The following PLEKHA6 variants were observed in gnomAD, a reference collection of about 807,000 sequenced individuals.
PLEKHA6 encodes the protein pleckstrin homology domain-containing family A member 6.
PLEKHA6 carries 60 observed loss-of-function variants against 116.7 expected under a neutral mutation model. The ratio of observed to expected loss-of-function variants is 0.51; its 90% confidence interval spans 0.42 to 0.64. The LOEUF is 0.64. Among genes scored for constraint, PLEKHA6 ranks in the 30% least tolerant of loss-of-function variants. The pLI, the probability that PLEKHA6 is intolerant of heterozygous loss-of-function variation, is 0.00. For missense variants in PLEKHA6, 1,338 were observed against 1,422.7 expected (o/e 0.94, Z 0.96); for synonymous variants, 489 against 556.1 (o/e 0.88, Z 1.70).
intron 1 of PLEKHA6, among the ~76,000 whole-genome samples, chr1:204,321,022 G>A (rs1390758816): frequency 6.6e-6 from 1 of 152,134 alleles, no homozygotes; most frequent in Non-Finnish European, 1.5e-5. Context: ...GATGAAGGGG[G>A]AGGTCCAGGC....
chr1:204,375,765 C>G (rs1337027270), intron 1 of PLEKHA6, among the ~76,000 whole-genome samples: 1 of 151,700 alleles, frequency 6.6e-6, no homozygotes, highest in East Asian at 1.9e-4. Flanking sequence ...AGGGCTCTCT[C>G]AAGCTGCCTC....
intron 9 of PLEKHA6, among the ~76,000 whole-genome samples, chr1:204,253,845 A>ACAAAAAC (rs929036456): frequency 6.8e-5 from 10 of 147,614 alleles, no homozygotes; most frequent in African/African-American, 2.5e-4. Context: ...AAAAAAAAAA[A>ACAAAAAC]AAAAACAAAA....
At chr1:204,282,648 G>A (rs978231578) in intron 1 of PLEKHA6, 9 of 985,074 alleles carry the variant, frequency 9.1e-6, no homozygotes, top group Non-Finnish European at 1.1e-5. Context: ...TCTCAACACT[G>A]AAGTGTCTTC....
intron 1 of PLEKHA6, among the ~76,000 whole-genome samples, chr1:204,284,005 C>T (rs1482049877): frequency 6.6e-6 from 1 of 152,168 alleles, no homozygotes; most frequent in Non-Finnish European, 1.5e-5. Flanking sequence ...GAGGAGGGGG[C>T]ACGTGCTGTT....
chr1:204,353,777 T>C (rs1673345393), intron 1 of PLEKHA6, among the ~76,000 whole-genome samples: 1 of 152,202 alleles, frequency 6.6e-6, no homozygotes, highest in Non-Finnish European at 1.5e-5. Flanking sequence ...ACCTGGGTTC[T>C]AGACCTCACT....
At chr1:204,251,703 G>A (rs1327961944) in intron 9 of PLEKHA6, 3 of 652,092 alleles carry the variant, frequency 4.6e-6, no homozygotes, top group Non-Finnish European at 8.4e-6. Flanking sequence ...CAGGAAACAG[G>A]GGAGGGCAGC....
intron 17 of PLEKHA6, among the ~76,000 whole-genome samples, chr1:204,237,884 A>T (rs1662286628): frequency 6.6e-6 from 1 of 152,250 alleles, no homozygotes. Flanking sequence ...TAGCAAACAC[A>T]CTGGACTTAT....
chr1:204,375,310 A>C (rs1673849588), intron 1 of PLEKHA6, among the ~76,000 whole-genome samples: 1 of 152,038 alleles, frequency 6.6e-6, no homozygotes, highest in South Asian at 2.1e-4. Context: ...CCTCAACTGC[A>C]GTGTTTCCCC....
upstream of PLEKHA6, among the ~76,000 whole-genome samples, chr1:204,361,726 C>T (rs1343569643): frequency 1.3e-5 from 2 of 152,260 alleles, no homozygotes; most frequent in Non-Finnish European, 2.9e-5. Flanking sequence ...CCTGCCCTGG[C>T]TCTCCAGGAC....
intron 2 of PLEKHA6, chr1:204,274,512 AC>A (rs1166730581): frequency 2.7e-6 from 2 of 750,426 alleles, no homozygotes; most frequent in East Asian, 2.6e-4. Context: ...GGGGTGCACC[AC>A]CCTGGCTTTT....
At chr1:204,291,225 T>C (rs949548917) in intron 1 of PLEKHA6, among the ~76,000 whole-genome samples, 1 of 152,096 alleles carries the variant, frequency 6.6e-6, no homozygotes, top group African/African-American at 2.4e-5. Flanking sequence ...CTATGAGCTA[T>C]CTCTACCCAC....
chr1:204,314,446 C>A (rs987689767), intron 1 of PLEKHA6, among the ~76,000 whole-genome samples: 1 of 152,170 alleles, frequency 6.6e-6, no homozygotes, highest in African/African-American at 2.4e-5. Context: ...AATGGAGTGA[C>A]TGGGCCAACA....
At chr1:204,249,312 A>C in intron 10 of PLEKHA6, 48 bp from the exon 11 acceptor site, 1 of 1,345,834 alleles carries the variant, frequency 7.4e-7, no homozygotes, top group Non-Finnish European at 1.1e-6. Flanking sequence ...AAGGGGATGA[A>C]GGACATAGTT....
At chr1:204,234,978 A>G (rs1466310176) in intron 17 of PLEKHA6, among the ~76,000 whole-genome samples, 1 of 92,522 alleles carries the variant, frequency 1.1e-5, no homozygotes, top group Non-Finnish European at 2.3e-5. Flanking sequence ...ATATATATAT[A>G]TATATATATA....
intron 3 of PLEKHA6, among the ~76,000 whole-genome samples, chr1:204,271,905 T>A (rs187481285): frequency 1.3e-5 from 2 of 152,274 alleles, no homozygotes. Flanking sequence ...TCTTTTTTTT[T>A]ATTATTATTA....
intron 1 of PLEKHA6, among the ~76,000 whole-genome samples, chr1:204,292,837 G>T (rs771509840): frequency 2.9e-4 from 44 of 152,180 alleles, no homozygotes; most frequent in Non-Finnish European, 3.8e-4. Context: ...GTGAAGAGGG[G>T]GAATAAAAAA....
chr1:204,230,633 C>T (rs753894671), intron 17 of PLEKHA6, 47 bp from the exon 18 acceptor site: 27 of 1,496,782 alleles, frequency 1.8e-5, no homozygotes, highest in Non-Finnish European at 2.2e-5. Context: ...TTATCCCCCA[C>T]CCAGCTTTTC....
At chr1:204,366,001 A>G (rs1303031115) in intron 3 of PLEKHA6, among the ~76,000 whole-genome samples, 1 of 152,200 alleles carries the variant, frequency 6.6e-6, no homozygotes, top group Non-Finnish European at 1.5e-5. Flanking sequence ...GGCAGGGGGA[A>G]CAGCAAGCGC....
chr1:204,234,976 ATATATATATATATAT>A lies in PLEKHA6; in HGVS notation c.2410-4405_2410-4391del, dbSNP rs1661763178. Among the ~76,000 whole-genome samples, 10 of 96,524 alleles carry A rather than the reference ATATATATATATATAT, an allele frequency of 1.0e-4. 1 individual carries two copies. In the South Asian group the frequency reaches 3.6e-3, roughly 35 times the overall value. The allele number at this position is 96,524 out of a possible 152,430, so 63.3% of individuals were successfully genotyped here. A position where few individuals can be genotyped will look rare whatever the true frequency, so the allele number is the denominator to read the frequency against. On this transcript the variant is annotated intron_variant, in intron 17 of 22. Coordinates refer to ENST00000272203, the MANE Select transcript of PLEKHA6 (RefSeq NM_014935.5). Reference sequence around the variant, plus strand: ...CCTTTATATATATATATATATATATATATATATATATATATATATATATATATATATATATATCTA... The same window carrying A: ...CCTTTATATATATATATATATATATAATATATATATATATATATATATCTA...
Sources: gnomAD v4.1 joint callset for allele counts (sites outside exome capture counted in the v4.1 genomes callset) on GRCh38, gnomAD v4.1.1 for gene constraint, MANE v1.5 for transcripts, NCBI Gene and HGNC (gene_info 2026-07-23, HGNC 2026-07-21) for gene names.